The following ETV6 variants were observed in gnomAD, a reference collection of about 807,000 sequenced individuals.
ETV6 encodes ETS variant transcription factor 6.
In ETV6, 16 loss-of-function variants were observed where a neutral mutation model predicts 51.1. The observed-to-expected ratio is 0.31, with a 90% CI of 0.21 to 0.48. The LOEUF (loss-of-function observed/expected upper bound fraction) is 0.48, where lower values mean the gene tolerates loss of function less well. Ranked by LOEUF, ETV6 falls within the 20% of genes least tolerant of loss-of-function variation. The pLI, the probability that ETV6 is intolerant of heterozygous loss-of-function variation, is 0.99. For missense variants in ETV6, 458 were observed against 594.8 expected, an observed-to-expected ratio of 0.77 and a Z score of 2.39; for synonymous variants, 240 against 224.1, an observed-to-expected ratio of 1.07 and a Z score of -0.64.
chr12:11,851,918 T>C (rs575899774), intron 3 of ETV6, among the ~76,000 whole-genome samples: 13 of 152,250 alleles, frequency 8.5e-5, no homozygotes, highest in African/African-American at 2.6e-4. Context: ...ATGCTGAGCT[T>C]GAAAGAAAAA....
intron 2 of ETV6, among the ~76,000 whole-genome samples, chr12:11,801,542 C>T (rs145032103): frequency 2.1e-4 from 32 of 152,318 alleles, no homozygotes; most frequent in Non-Finnish European, 2.9e-4. Flanking sequence ...GACTATTCTG[C>T]GGATAACACA....
Position 11,726,392 on chromosome 12 carries a change from A to G in ETV6, c.34-26058A>G, listed in dbSNP as rs1326541497. Among the ~76,000 whole-genome samples the G allele has an allele frequency of 2.0e-5, 3 of 152,206 alleles. No individual in the cohort carries two copies. The East Asian group carries it at 5.8e-4, about 29-fold the overall frequency. The stretch of plus-strand genomic sequence containing the variant: ...CCACAGGTAATTTTGTGTACCCACT[A>G]TGCACTTAGCTCATACAGTAGGTCG... On this transcript the variant is annotated intron_variant, in intron 1 of 7. Coordinates refer to ENST00000396373, the MANE Select transcript of ETV6 (RefSeq NM_001987.5).
At chr12:11,685,323 A>G (rs1864607293) in intron 1 of ETV6, among the ~76,000 whole-genome samples, 3 of 123,650 alleles carry the variant, frequency 2.4e-5, no homozygotes, top group South Asian at 2.5e-4. Flanking sequence ...AACATTTCAG[A>G]AAAAAAAAAA....
Position 11,864,453 on chromosome 12 carries a change from TAAATGGCATTTAGAAG to T in ETV6, c.464-4967_464-4952del, listed in dbSNP as rs568668809. Among the ~76,000 whole-genome samples the T allele has an allele frequency of 9.3e-3, 1,421 of 152,380 alleles. 18 individuals are homozygous for T. Among genetic ancestry groups the T allele is most frequent in the African/African-American group, 0.033 (1,356 of 41,584 alleles). ...CTTTTAAGTAAAGAGAGACATTCTG[TAAATGGCATTTAGAAG>T]AAAATATAGGAAAGTTCAAACTGGA... On this transcript the variant is annotated intron_variant, in intron 4 of 7. Transcript: ENST00000396373.
chr12:11,851,923 G>GA (rs1382116854), intron 3 of ETV6, among the ~76,000 whole-genome samples: 1 of 152,132 alleles, frequency 6.6e-6, no homozygotes, highest in African/African-American at 2.4e-5. Context: ...GAGCTTGAAA[G>GA]AAAAAATAAT....
At chr12:11,710,558 C>G (rs536025518) in intron 1 of ETV6, among the ~76,000 whole-genome samples, 8 of 152,272 alleles carry the variant, frequency 5.3e-5, no homozygotes, top group South Asian at 2.1e-4. Context: ...GACTTTAGAG[C>G]GCTTGCTTCT....
chr12:11,792,609 C>T (rs1945617193), intron 2 of ETV6, among the ~76,000 whole-genome samples: 1 of 152,010 alleles, frequency 6.6e-6, no homozygotes, highest in African/African-American at 2.4e-5. Context: ...ATTGCTTGAA[C>T]CCGGAAGGTG....
chr12:11,764,464 G>T (rs1443585890), intron 2 of ETV6, among the ~76,000 whole-genome samples: 1 of 152,218 alleles, frequency 6.6e-6, no homozygotes, highest in Non-Finnish European at 1.5e-5. Context: ...GTACACTGGC[G>T]ATTTGAGAAT....
At chr12:11,726,027 C>T (rs984901747) in intron 1 of ETV6, among the ~76,000 whole-genome samples, 2 of 152,230 alleles carry the variant, frequency 1.3e-5, no homozygotes, top group African/African-American at 4.8e-5. Context: ...TGACTCCCTC[C>T]AGTTGCTTCA....
intron 2 of ETV6, among the ~76,000 whole-genome samples, chr12:11,805,780 C>T (rs1333845613): frequency 6.6e-6 from 1 of 152,130 alleles, no homozygotes; most frequent in African/African-American, 2.4e-5. Flanking sequence ...AAGACAGTCA[C>T]GTTAAGGATT....
intron 4 of ETV6, among the ~76,000 whole-genome samples, chr12:11,862,050 A>C (rs1195279944): frequency 1.3e-5 from 2 of 152,170 alleles, no homozygotes; most frequent in African/African-American, 2.4e-5. Flanking sequence ...GATCCCCTGG[A>C]AAGGTGGCCT....
intron 1 of ETV6, among the ~76,000 whole-genome samples, chr12:11,744,407 AG>A (rs1865870226): frequency 6.6e-6 from 1 of 152,224 alleles, no homozygotes; most frequent in African/African-American, 2.4e-5. Flanking sequence ...TGTTAGAACT[AG>A]GAAGAAAGGA....
At chr12:11,790,454 ATC>A (rs1427676243) in intron 2 of ETV6, among the ~76,000 whole-genome samples, 1 of 151,988 alleles carries the variant, frequency 6.6e-6, no homozygotes, top group African/African-American at 2.4e-5. Context: ...TTGGGTAAAT[ATC>A]TCCAGGTCTT....
intron 4 of ETV6, among the ~76,000 whole-genome samples, chr12:11,859,603 G>T (rs895220259): frequency 1.3e-5 from 2 of 152,138 alleles, no homozygotes; most frequent in Admixed American, 1.3e-4. Context: ...AAGAAATAAA[G>T]ATTAAGAGCA....
chr12:11,736,843 A>G (rs934107887), intron 1 of ETV6, among the ~76,000 whole-genome samples: 2 of 152,256 alleles, frequency 1.3e-5, no homozygotes, highest in African/African-American at 4.8e-5. Context: ...AACACAGGAC[A>G]AAAGATGAAT....
At chr12:11,826,056 G>A (rs980885602) in intron 2 of ETV6, among the ~76,000 whole-genome samples, 2 of 151,836 alleles carry the variant, frequency 1.3e-5, no homozygotes, top group Admixed American at 6.6e-5. Context: ...GGCTGGTCTC[G>A]AACTCCTGGC....
At chr12:11,820,118 G>A (rs1046112884) in intron 2 of ETV6, among the ~76,000 whole-genome samples, 5 of 152,258 alleles carry the variant, frequency 3.3e-5, no homozygotes, top group African/African-American at 4.8e-5. Flanking sequence ...GTTACTATCC[G>A]AGTTTTACAG....
At chr12:11,738,222 T>C (rs1236313673) in intron 1 of ETV6, among the ~76,000 whole-genome samples, 13 of 138,520 alleles carry the variant, frequency 9.4e-5, no homozygotes, top group African/African-American at 2.8e-4. Flanking sequence ...CCTTCCTTCC[T>C]TCCCTCCCTC....
At chr12:11,847,673 G>A (rs929878168) in intron 3 of ETV6, among the ~76,000 whole-genome samples, 13 of 152,206 alleles carry the variant, frequency 8.5e-5, no homozygotes, top group African/African-American at 3.1e-4. Context: ...TGACAACAGG[G>A]AGGTGACCTG....
Sources: allele counts gnomAD v4.1 joint callset (sites outside exome capture counted in the v4.1 genomes callset), GRCh38; gene constraint gnomAD v4.1.1; transcripts MANE v1.5; gene names NCBI Gene and HGNC (gene_info 2026-07-23, HGNC 2026-07-21).